PTPRO: variants seen among roughly 807,000 people sequenced by gnomAD.
PTPRO encodes the protein protein tyrosine phosphatase receptor type O.
PTPRO carries 62 observed loss-of-function variants against 145.2 expected under a neutral mutation model. The observed-to-expected ratio is 0.43, with a 90% CI of 0.35 to 0.53. The LOEUF (loss-of-function observed/expected upper bound fraction) is 0.53, where lower values mean the gene tolerates loss of function less well. Ranked by LOEUF, PTPRO falls within the 20% of genes least tolerant of loss-of-function variation. PTPRO has a pLI of 0.01. For missense variants in PTPRO, 1,345 were observed against 1,482.7 expected, an observed-to-expected ratio of 0.91 and a Z score of 1.53; for synonymous variants, 565 against 514.7, an observed-to-expected ratio of 1.10 and a Z score of -1.32.
chr12:15,580,976 T>G, intron 22 of PTPRO, 145 bp downstream of exon 22: 1 of 1,200,452 alleles, frequency 8.3e-7, no homozygotes, highest in Non-Finnish European at 1.2e-6. Flanking sequence ...GAAGCAAGAA[T>G]TAGAATTTGG....
In PTPRO at chr12:15,563,354, TTGCTAGC is replaced by T. The variant is rs1943822245; in HGVS notation, c.2712-2238_2712-2232del. On this transcript the variant is annotated intron_variant, in intron 17 of 26. Transcript: ENST00000281171. ...TTTCCAGAATGTGCTTAAGTTAAAA[TTGCTAGC>T]AAAGCCTTAATTTGCGTGAATTTTC... 4.6e-5 allele frequency among the ~76,000 whole-genome samples: 7 copies of T among 152,206 alleles called. No individual in the cohort carries two copies. In the South Asian group the frequency reaches 1.4e-3, roughly 32 times the overall value.
intron 3 of PTPRO, among the ~76,000 whole-genome samples, chr12:15,498,862 G>A: frequency 6.6e-6 from 1 of 152,056 alleles, no homozygotes; most frequent in Non-Finnish European, 1.5e-5. Flanking sequence ...AATTCAATAA[G>A]TGGTACTTTT....
At chr12:15,560,339 C>A (rs1943741759) in intron 17 of PTPRO, 63 bp downstream of exon 17, 1 of 1,272,028 alleles carries the variant, frequency 7.9e-7, no homozygotes, top group Non-Finnish European at 1.1e-6. Context: ...AAGAAGTAAA[C>A]AAAAAGGAAA....
At chr12:15,569,729 G>A (rs1348902133) in intron 19 of PTPRO, among the ~76,000 whole-genome samples, 1 of 152,206 alleles carries the variant, frequency 6.6e-6, no homozygotes, top group Non-Finnish European at 1.5e-5. Flanking sequence ...TGCAGGTACT[G>A]AGGTGAGCAA....
intron 1 of PTPRO, among the ~76,000 whole-genome samples, chr12:15,349,172 T>A (rs116046914): frequency 0.014 from 2,133 of 152,298 alleles, 71 homozygotes; most frequent in African/African-American, 0.049. Flanking sequence ...AAGGAAGGTG[T>A]TAAATCTATT....
chr12:15,577,240 A>G (rs1411284751), intron 19 of PTPRO, among the ~76,000 whole-genome samples: 2 of 152,230 alleles, frequency 1.3e-5, no homozygotes, highest in Admixed American at 6.5e-5. Context: ...TGAAAAGCCA[A>G]AAGAGATGAG....
intron 1 of PTPRO, among the ~76,000 whole-genome samples, chr12:15,438,179 G>T (rs1940654095): frequency 6.6e-6 from 1 of 151,904 alleles, no homozygotes; most frequent in Non-Finnish European, 1.5e-5. Flanking sequence ...TAATAGTAAT[G>T]ACATTATAAG....
At chr12:15,501,582 TA>T in intron 4 of PTPRO, 37 bp from the exon 5 acceptor site, 1 of 1,557,270 alleles carries the variant, frequency 6.4e-7, no homozygotes, top group Non-Finnish European at 8.8e-7. Flanking sequence ...CTAATTGAAT[TA>T]AAAAATACTT....
chr12:15,324,670 T>A lies in PTPRO; in HGVS notation c.75+1869T>A, dbSNP rs183229302. 7.2e-4 allele frequency among the ~76,000 whole-genome samples: 109 copies of A among 152,302 alleles called. 1 individual carries two copies. In the East Asian group the frequency reaches 0.018, roughly 25 times the overall value. On this transcript the variant is annotated intron_variant, in intron 1 of 26. Coordinates refer to ENST00000281171, the MANE Select transcript of PTPRO (RefSeq NM_030667.3). ...CATTTTCCTTTATTTTATGTGAATG[T>A]AATATTTTTGTCACCTGAATATAAA...
At chr12:15,491,190 G>A (rs1468911643) in intron 2 of PTPRO, among the ~76,000 whole-genome samples, 2 of 152,170 alleles carry the variant, frequency 1.3e-5, no homozygotes, top group Non-Finnish European at 2.9e-5. Context: ...CATCAGAAGT[G>A]AGGGTCTAAT....
At position 15,553,507 on chromosome 12, in the gene PTPRO, A is replaced by G. The variant is rs185435214; in HGVS notation, c.2558+1836A>G. 5.9e-5 allele frequency among the ~76,000 whole-genome samples: 9 copies of G among 152,280 alleles called. No homozygotes were observed. The East Asian group carries it at 1.7e-3, about 29-fold the overall frequency. On this transcript the variant is annotated intron_variant, in intron 15 of 26. Coordinates refer to ENST00000281171, the MANE Select transcript of PTPRO (RefSeq NM_030667.3). The stretch of plus-strand genomic sequence containing the variant: ...ACAGCTGGTGTAAAGGCCCTGGGGT[A>G]GGAGCACGACTGGGATGTTCAAAGT...
intron 7 of PTPRO, among the ~76,000 whole-genome samples, chr12:15,513,604 T>A (rs547588039): frequency 6.6e-6 from 1 of 152,192 alleles, no homozygotes; most frequent in Admixed American, 6.5e-5. Context: ...AAAATTCATA[T>A]CATATCACCA....
intron 12 of PTPRO, among the ~76,000 whole-genome samples, chr12:15,542,347 G>T (rs10732569): frequency 6.6e-6 from 1 of 152,196 alleles, no homozygotes; most frequent in African/African-American, 2.4e-5. Flanking sequence ...TTCACTAAAA[G>T]TATCTCACAA....
chr12:15,414,264 TA>T (rs1667173828), intron 1 of PTPRO, among the ~76,000 whole-genome samples: 1 of 152,228 alleles, frequency 6.6e-6, no homozygotes, highest in South Asian at 2.1e-4. Flanking sequence ...GGGGTCTTGT[TA>T]AAATGCAGAT....
intron 7 of PTPRO, among the ~76,000 whole-genome samples, chr12:15,511,003 C>CAAAGA (rs1942428251): frequency 1.9e-5 from 2 of 105,650 alleles, no homozygotes; most frequent in African/African-American, 6.8e-5. Flanking sequence ...TCTGTCTCCA[C>CAAAGA]AAAAAAAAAA....
At chr12:15,432,842 T>C (rs1940482561) in intron 1 of PTPRO, among the ~76,000 whole-genome samples, 1 of 152,236 alleles carries the variant, frequency 6.6e-6, no homozygotes, top group Admixed American at 6.5e-5. Context: ...CAGTTTTTAA[T>C]GTGGTTGTTT....
chr12:15,439,777 C>T, intron 1 of PTPRO: 1 of 599,170 alleles, frequency 1.7e-6, no homozygotes, highest in Non-Finnish European at 3.1e-6. Context: ...ACCTCTTCTC[C>T]CTGCCCATCA....
chr12:15,331,962 CTTTT>C lies in PTPRO; in HGVS notation c.75+9178_75+9181del, dbSNP rs200334215. Among the ~76,000 whole-genome samples, 188 of 118,268 alleles carry C rather than the reference CTTTT, an allele frequency of 1.6e-3. 1 individual carries two copies. Among genetic ancestry groups the C allele is most frequent in the African/African-American group, 5.2e-3 (169 of 32,636 alleles). The allele number at this position is 118,268 out of a possible 152,430, so 77.6% of individuals were successfully genotyped here. ...GTATCCTTTTTGTTTCTCTTTCTTTCTTTTTTTTTTTTTTTTTTTTGACAGAGTC... is the reference window on the plus strand; with the variant it reads ...GTATCCTTTTTGTTTCTCTTTCTTTCTTTTTTTTTTTTTTTTGACAGAGTC... On this transcript the variant is annotated intron_variant, in intron 1 of 26. Transcript: ENST00000281171.
intron 1 of PTPRO, among the ~76,000 whole-genome samples, chr12:15,360,863 T>TACAC (rs1938166667): frequency 4.9e-5 from 5 of 102,622 alleles, no homozygotes; most frequent in South Asian, 3.1e-4. Context: ...TGTGTGTATA[T>TACAC]ATGTGTGTAT....
Sources: allele counts gnomAD v4.1 joint callset (sites outside exome capture counted in the v4.1 genomes callset), GRCh38; gene constraint gnomAD v4.1.1; transcripts MANE v1.5; gene names NCBI Gene and HGNC (gene_info 2026-07-23, HGNC 2026-07-21).